GLIS3: variants seen among roughly 807,000 people sequenced by gnomAD.
The protein encoded by GLIS3 is GLIS family zinc finger 3, also known as zinc finger protein GLIS3.
A neutral mutation model predicts 78.6 loss-of-function variants in GLIS3; 53 were observed. The ratio of observed to expected loss-of-function variants is 0.67; its 90% CI spans 0.54 to 0.85. GLIS3 has a LOEUF of 0.85. Ranked by LOEUF, GLIS3 falls within the 40% of genes least tolerant of loss-of-function variation. The pLI, the probability that GLIS3 is intolerant of heterozygous loss-of-function variation, is 0.00. For missense variants in GLIS3, 1,703 were observed against 1,231.1 expected (o/e 1.38, Z -5.74); for synonymous variants, 684 against 509.9 (o/e 1.34, Z -4.60).
At chr9:3,846,968 G>A (rs113082509) in intron 9 of GLIS3, among the ~76,000 whole-genome samples, 18,974 of 152,140 alleles carry the variant, frequency 0.12, 1,554 homozygotes, top group Middle Eastern at 0.26. Context: ...GGGGTCACCT[G>A]AAGTCAGGAG....
intron 6 of GLIS3, among the ~76,000 whole-genome samples, chr9:3,909,898 T>C (rs67427208): frequency 0.26 from 39,352 of 152,140 alleles, 5,411 homozygotes; most frequent in South Asian, 0.45. Context: ...GCATTTGAAG[T>C]GTGGCTAATG....
intron 4 of GLIS3, among the ~76,000 whole-genome samples, chr9:4,035,370 G>C (rs1404938866): frequency 6.6e-6 from 1 of 151,736 alleles, no homozygotes; most frequent in African/African-American, 2.4e-5. Flanking sequence ...GAAGGCTCCA[G>C]AAGGTCCAAC....
At chr9:3,938,485 G>A (rs1479490046) in intron 4 of GLIS3, among the ~76,000 whole-genome samples, 5 of 152,074 alleles carry the variant, frequency 3.3e-5, no homozygotes, top group Admixed American at 1.3e-4. Context: ...AGCTGGCCAG[G>A]TTTTGGTTAT....
chr9:4,160,234 C>A (rs1241905715), intron 2 of GLIS3, among the ~76,000 whole-genome samples: 1 of 152,200 alleles, frequency 6.6e-6, no homozygotes, highest in Non-Finnish European at 1.5e-5. Flanking sequence ...TGAACGAATA[C>A]CTGGTTTCAT....
intron 2 of GLIS3, among the ~76,000 whole-genome samples, chr9:4,245,966 A>C (rs958836126): frequency 1.3e-5 from 2 of 152,188 alleles, no homozygotes; most frequent in African/African-American, 2.4e-5. Flanking sequence ...ACATAAAATC[A>C]GAGAAAAGTA....
chr9:4,125,322 T>C (rs1832487912), intron 3 of GLIS3, among the ~76,000 whole-genome samples: 1 of 152,184 alleles, frequency 6.6e-6, no homozygotes, highest in African/African-American at 2.4e-5. Context: ...CAAGACAGAT[T>C]GTTGAGCTGC....
In GLIS3 at chr9:4,139,520, C is replaced by T. The variant is rs574582051; in HGVS notation, c.389-13579G>A. 2.6e-5 allele frequency among the ~76,000 whole-genome samples: 4 copies of T among 152,252 alleles called. No individual in the cohort carries two copies. In the East Asian group the frequency reaches 7.7e-4, roughly 29 times the overall value. On this transcript the variant is annotated intron_variant, in intron 2 of 10. Transcript: ENST00000381971. ...AACAGACAGAAATATTACTCGTTCG[C>T]CCCCTCTGTCCATATTCCCTCCTGT...
intron 4 of GLIS3, among the ~76,000 whole-genome samples, chr9:4,040,639 C>A (rs893759236): frequency 6.6e-6 from 1 of 152,078 alleles, no homozygotes; most frequent in Non-Finnish European, 1.5e-5. Context: ...CTTTGGAGAA[C>A]TATTAATGTG....
At chr9:4,334,585 G>C (rs575786454) in intron 2 of GLIS3, among the ~76,000 whole-genome samples, 1 of 152,196 alleles carries the variant, frequency 6.6e-6, no homozygotes, top group Non-Finnish European at 1.5e-5. Flanking sequence ...TGTCCTCCTG[G>C]CAACAGGTTA....
intron 4 of GLIS3, among the ~76,000 whole-genome samples, chr9:4,049,962 G>C (rs1405952129): frequency 1.3e-5 from 2 of 152,084 alleles, no homozygotes; most frequent in African/African-American, 2.4e-5. Context: ...GTGCTGGAGA[G>C]GATGTGGAGA....
the GLIS3 span, among the ~76,000 whole-genome samples, chr9:4,484,348 C>T: frequency 6.7e-6 from 1 of 149,394 alleles, no homozygotes; most frequent in African/African-American, 2.5e-5. Context: ...AGCGATTATC[C>T]TGCCTCAGCC....
chr9:4,150,308 G>A (rs1365146065), intron 2 of GLIS3, among the ~76,000 whole-genome samples: 1 of 152,192 alleles, frequency 6.6e-6, no homozygotes, highest in Non-Finnish European at 1.5e-5. Context: ...ACCAGCCACT[G>A]ACTGTCCTCT....
rs138743753 is a variant in GLIS3, at chr9:3,994,992, G to A, written c.1711-57803C>T. Among the ~76,000 whole-genome samples the A allele has an allele frequency of 1.7e-3, 264 of 152,268 alleles. 2 individuals carry two copies. Among genetic ancestry groups the A allele is most frequent in the African/African-American group, 5.4e-3 (225 of 41,562 alleles). On this transcript the variant is annotated intron_variant, in intron 4 of 10. Coordinates refer to ENST00000381971, the MANE Select transcript of GLIS3 (RefSeq NM_001042413.2). ...ACAATTTCAGGTACCCTAGAGCTTG[G>A]CTTCTAAGGGGCCAGTTGAGAAGAA...
At chr9:3,920,845 C>T (rs1294864438) in intron 6 of GLIS3, among the ~76,000 whole-genome samples, 1 of 152,274 alleles carries the variant, frequency 6.6e-6, no homozygotes, top group Non-Finnish European at 1.5e-5. Flanking sequence ...GTGTGCTAGA[C>T]TAGCCCAAAG....
intron 2 of GLIS3, among the ~76,000 whole-genome samples, chr9:4,170,717 C>A (rs952881815): frequency 7.2e-5 from 11 of 152,180 alleles, no homozygotes; most frequent in African/African-American, 2.4e-4. Context: ...AAAGGCAAGG[C>A]TATCCATACA....
chr9:4,346,403 G>A (rs1234449034), intron 2 of GLIS3, among the ~76,000 whole-genome samples: 3 of 147,398 alleles, frequency 2.0e-5, no homozygotes, highest in South Asian at 2.2e-4. Context: ...GCCCTGCCCT[G>A]AAGCATTAAA....
At chr9:4,267,973 G>GTA (rs1826169158) in intron 2 of GLIS3, among the ~76,000 whole-genome samples, 1 of 151,930 alleles carries the variant, frequency 6.6e-6, no homozygotes, top group African/African-American at 2.4e-5. Context: ...GTGTGTGTGT[G>GTA]TGTATGTGCA....
intron 9 of GLIS3, among the ~76,000 whole-genome samples, chr9:3,854,129 A>G (rs934211285): frequency 2.6e-5 from 4 of 152,190 alleles, no homozygotes; most frequent in African/African-American, 9.7e-5. Flanking sequence ...GGATGGCTTC[A>G]TGGCACAGGG....
At chr9:4,234,580 TAAC>T (rs917519227) in intron 2 of GLIS3, among the ~76,000 whole-genome samples, 3 of 152,164 alleles carry the variant, frequency 2.0e-5, no homozygotes, top group African/African-American at 4.8e-5. Flanking sequence ...GATATTATAA[TAAC>T]AACGGAAAAG....
Sources: allele counts gnomAD v4.1 joint callset (sites outside exome capture counted in the v4.1 genomes callset), GRCh38; gene constraint gnomAD v4.1.1; transcripts MANE v1.5; gene names NCBI Gene and HGNC (gene_info 2026-07-23, HGNC 2026-07-21).